SYNPO: variants seen among roughly 807,000 people sequenced by gnomAD.
The protein encoded by SYNPO is synaptopodin.
SYNPO carries 19 observed loss-of-function variants against 49.5 expected under a neutral mutation model. That is an observed-to-expected ratio of 0.38 (90% CI 0.27 to 0.56). The LOEUF (loss-of-function observed/expected upper bound fraction) is 0.56, where lower values mean the gene tolerates loss of function less well. Among genes scored for constraint, SYNPO ranks in the 20% least tolerant of loss-of-function variants. The pLI is 0.68. For synonymous variants in SYNPO, 536 were observed against 548.0 expected (o/e 0.98, Z 0.31); for missense variants, 1,131 against 1,248.3 (o/e 0.91, Z 1.42).
intron 2 of SYNPO, among the ~76,000 whole-genome samples, chr5:150,655,113 G>C (rs1002951750): frequency 6.6e-6 from 1 of 152,144 alleles, no homozygotes; most frequent in Non-Finnish European, 1.5e-5. Context: ...CAACAAGAGC[G>C]AAACTCCATC....
the SYNPO span, among the ~76,000 whole-genome samples, chr5:150,586,201 T>C: frequency 6.6e-6 from 1 of 152,178 alleles, no homozygotes; most frequent in South Asian, 2.1e-4. Context: ...AAGGGAAAGC[T>C]CATGCTTGAC....
intron 2 of SYNPO, chr5:150,653,704 G>A (rs775842642): frequency 2.0e-5 from 3 of 152,150 alleles, no homozygotes; most frequent in Non-Finnish European, 2.9e-5. Context: ...TGCCTTCTGC[G>A]GCCAGCCTGA....
At chr5:150,646,747 TAA>T (rs796848174) in intron 1 of SYNPO, among the ~76,000 whole-genome samples, 1 of 139,742 alleles carries the variant, frequency 7.2e-6, no homozygotes, top group Admixed American at 6.7e-5. Flanking sequence ...AAATACAAAT[TAA>T]AAAAAGCAGA....
the SYNPO span, among the ~76,000 whole-genome samples, chr5:150,593,935 G>T: frequency 6.6e-6 from 1 of 152,154 alleles, no homozygotes; most frequent in Non-Finnish European, 1.5e-5. Flanking sequence ...AAGACTTAGG[G>T]GGCTGCCAGC....
chr5:150,605,855 T>A (rs550308758), intron 1 of SYNPO, among the ~76,000 whole-genome samples: 2 of 148,442 alleles, frequency 1.3e-5, no homozygotes, highest in Admixed American at 1.3e-4. Flanking sequence ...CGCACGACAG[T>A]CACACAGACA....
intron 2 of SYNPO, among the ~76,000 whole-genome samples, chr5:150,621,455 C>A (rs1455779957): frequency 6.6e-6 from 1 of 152,200 alleles, no homozygotes; most frequent in East Asian, 1.9e-4. Flanking sequence ...TGCCTTTCTG[C>A]TCCCTTGGGA....
Position 150,649,301 on chromosome 5 carries a change from C to G in SYNPO, c.1026C>G (p.Val342=). 1 of 1,614,234 alleles carries G rather than the reference C, an allele frequency of 6.2e-7. No individual in the cohort carries two copies. The highest frequency in any genetic ancestry group is 8.5e-7 in the Non-Finnish European group (1 of 1,180,024). Residue 342 remains valine (V), a synonymous_variant, in exon 2 of 3, where the codon GTC becomes GTG. Transcript: ENST00000307662. ...TGAGGTCTCCTCCCTCATATTCTGTCCTGTATCCCAGCTCCGACCCCAAGT... is the reference window on the plus strand; with the variant it reads ...TGAGGTCTCCTCCCTCATATTCTGTGCTGTATCCCAGCTCCGACCCCAAGT... ...SWVRSPPSYS[V]LYPSSDPKSS...
At chr5:150,655,875 T>C (rs1758532039) in intron 2 of SYNPO, among the ~76,000 whole-genome samples, 1 of 152,212 alleles carries the variant, frequency 6.6e-6, no homozygotes, top group Non-Finnish European at 1.5e-5. Context: ...GGTCTCGAAC[T>C]CCTGACCTCA....
At chr5:150,623,168 C>T (rs949645060) in intron 2 of SYNPO, among the ~76,000 whole-genome samples, 2 of 152,312 alleles carry the variant, frequency 1.3e-5, no homozygotes, top group East Asian at 3.9e-4. Flanking sequence ...CACACATATT[C>T]CCTCTCATAG....
In SYNPO at chr5:150,649,614, G is replaced by A. The variant is rs761937314; in HGVS notation, c.1339G>A (p.Glu447Lys). The A allele has an allele frequency of 1.9e-6, 3 of 1,609,148 alleles. No individual in the cohort carries two copies. Among genetic ancestry groups the A allele is most frequent in the Non-Finnish European group, 2.5e-6 (3 of 1,179,282 alleles). Residue 447 changes from glutamate to lysine, a missense_variant, in exon 2 of 3, where the codon GAG (glutamate) becomes AAG (lysine). Glu to Lys is a moderately conservative substitution (Grantham distance 56, BLOSUM62 1). Around this residue, in one of 4 missense-constraint regions of SYNPO, gnomAD observed 602 missense variants for 720.7 expected, o/e 0.84. Transcript: ENST00000307662. ...CAGGGCCAGCCCCGCGGCGGCGGAG[G>A]AGGTGGTACCAGAGTGGGCCTCCTG... ...RDRASPAAAE[E>K]VVPEWASCLK... is the part of the protein sequence containing the mutation.
At chr5:150,598,416 C>T (rs1756462547), upstream of SYNPO, among the ~76,000 whole-genome samples, 1 of 152,198 alleles carries the variant, frequency 6.6e-6, no homozygotes, top group Non-Finnish European at 1.5e-5. Flanking sequence ...TCGTAGGACA[C>T]ACTTAAATAC....
intron 2 of SYNPO, chr5:150,625,029 C>G: frequency 1.3e-5 from 12 of 948,776 alleles, no homozygotes; most frequent in Non-Finnish European, 1.5e-5. Context: ...AGTCCTCGCA[C>G]GCGGGGTGAC....
At chr5:150,624,044 C>T (rs1354537613) in intron 2 of SYNPO, among the ~76,000 whole-genome samples, 2 of 152,230 alleles carry the variant, frequency 1.3e-5, no homozygotes, top group African/African-American at 4.8e-5. Flanking sequence ...ATGGCCACTG[C>T]CATGGGGCTT....
Position 150,649,516 on chromosome 5 carries a change from T to C in SYNPO, c.1241T>C (p.Val414Ala), listed in dbSNP as rs1581512920. 3 of 1,611,428 alleles carry C rather than the reference T, an allele frequency of 1.9e-6. No homozygotes were observed. Among genetic ancestry groups the C allele is most frequent in the South Asian group, 2.2e-5 (2 of 90,836 alleles). ...CGGCGGCAGAGGGACCAGGGGGAGGTAGGCGTGGAGGAGGAGCCCTTCGCA... is the reference window on the plus strand; with the variant it reads ...CGGCGGCAGAGGGACCAGGGGGAGGCAGGCGTGGAGGAGGAGCCCTTCGCA... ...EKRRQRDQGE[V>A]GVEEEPFALG... The change falls in exon 2 of 3, where the codon GTA becomes GCA. Residue 414 changes from valine to alanine, a missense_variant. Coordinates refer to ENST00000307662, the MANE Select transcript of SYNPO (RefSeq NM_007286.6).
At chr5:150,627,173 G>A (rs2151382103) in intron 2 of SYNPO, among the ~76,000 whole-genome samples, 1 of 152,334 alleles carries the variant, frequency 6.6e-6, no homozygotes, top group South Asian at 2.1e-4. Context: ...CAGGAAGGGA[G>A]GGACTGAGGG....
At chr5:150,590,603 C>T in the SYNPO span, among the ~76,000 whole-genome samples, 1 of 152,208 alleles carries the variant, frequency 6.6e-6, no homozygotes, top group African/African-American at 2.4e-5. Context: ...GAGGGTGGCG[C>T]TTGTGTGGGC....
rs1758563961 is a variant in SYNPO, at chr5:150,656,613, G to A, written c.2238G>A (p.Ala746=). ...SVSPLRPETE[A]RPPSRQLQAL... ...CCCCGCTGCGACCTGAGACCGAGGC[G>A]CGGCCCCCCAGCCGCCAGCTGCAGG... The change falls in exon 3 of 3, where the codon GCG becomes GCA. Residue 746 remains alanine, a synonymous_variant. Coordinates refer to ENST00000307662, the MANE Select transcript of SYNPO (RefSeq NM_007286.6). 1.3e-6 allele frequency: 2 copies of A among 1,512,990 alleles called. No homozygotes were observed. Among genetic ancestry groups the A allele is most frequent in the East Asian group, 2.6e-5 (1 of 37,818 alleles). The allele number at this position is 1,512,990 out of a possible 1,614,324, so 93.7% of individuals were successfully genotyped here.
At chr5:150,652,213 C>T in intron 2 of SYNPO, 1 of 1,000,844 alleles carries the variant, frequency 1.0e-6, no homozygotes, top group Non-Finnish European at 1.2e-6. Context: ...TGGACCCCTG[C>T]TCCCTTCTAC....
rs1320122431 is a variant in SYNPO at position 150,656,979 on chromosome 5, G to C, written c.2604G>C (p.Gly868=). ...SDVSLDSEDS[G]AKSPGILGYN... ...TGTCCCTCGACTCCGAGGACTCCGG[G>C]GCTAAGTCTCCAGGCATCCTGGGCT... Residue 868 remains glycine (G), a synonymous_variant, in exon 3 of 3, where the codon GGG becomes GGC. Transcript: ENST00000307662. 3.1e-6 allele frequency: 5 copies of C among 1,596,748 alleles called. No homozygotes were observed. Among genetic ancestry groups the C allele is most frequent in the Non-Finnish European group, 4.3e-6 (5 of 1,172,640 alleles).
Sources: gnomAD v4.1 joint callset for allele counts (sites outside exome capture counted in the v4.1 genomes callset) on GRCh38, gnomAD v4.1.1 for gene constraint, gnomAD v4.1.1 regional missense constraint, MANE v1.5 for transcripts, NCBI Gene and HGNC (gene_info 2026-07-23, HGNC 2026-07-21) for gene names.